Variants in SEPTIN12 observed in about 807,000 individuals in gnomAD.
SEPTIN12 encodes septin 12.
Under a neutral mutation model 37.7 loss-of-function variants are expected in SEPTIN12, and 42 were observed. The ratio of observed to expected loss-of-function variants is 1.11; its 90% confidence interval spans 0.87 to 1.44. The LOEUF (loss-of-function observed/expected upper bound fraction) is 1.44, where lower values mean the gene tolerates loss of function less well. Among genes scored for constraint, SEPTIN12 ranks in the 40% most tolerant of loss-of-function variants. The pLI is 0.00. For missense variants in SEPTIN12, 613 were observed against 479.2 expected (o/e 1.28, Z -2.61); for synonymous variants, 254 against 196.7 (o/e 1.29, Z -2.44).
At chr16:4,787,399 G>T in intron 2 of SEPTIN12, 81 bp downstream of exon 2, 2 of 1,295,952 alleles carry the variant, frequency 1.5e-6, no homozygotes, top group South Asian at 1.2e-5. Flanking sequence ...AGGGGCGACA[G>T]GCTGCCAAAG....
chr16:4,784,102 G>C, intron 4 of SEPTIN12, 34 bp from the exon 5 acceptor site: 2 of 1,612,458 alleles, frequency 1.2e-6, no homozygotes, highest in Non-Finnish European at 1.7e-6. Context: ...CCTCAGAACT[G>C]TGCTGTGCCC....
intron 4 of SEPTIN12, among the ~76,000 whole-genome samples, chr16:4,785,555 T>C (rs1026327498): frequency 1.3e-5 from 2 of 151,030 alleles, no homozygotes; most frequent in African/African-American, 2.4e-5. Context: ...GGGTGGATCA[T>C]CTGAGGTCAG....
chr16:4,781,409 C>A (rs2082370219), intron 7 of SEPTIN12, among the ~76,000 whole-genome samples: 1 of 151,972 alleles, frequency 6.6e-6, no homozygotes, highest in Non-Finnish European at 1.5e-5. Flanking sequence ...CACGTCCCCC[C>A]AAAAAAACCC....
intron 4 of SEPTIN12, among the ~76,000 whole-genome samples, chr16:4,785,235 G>C (rs1404837058): frequency 6.8e-6 from 1 of 147,604 alleles, no homozygotes; most frequent in Non-Finnish European, 1.5e-5. Context: ...TGGGTGACAA[G>C]AGCGAGTCTG....
At chr16:4,778,032 G>A (rs1280201622) in intron 9 of SEPTIN12, 34 bp from the exon 10 acceptor site, 1 of 1,612,452 alleles carries the variant, frequency 6.2e-7, no homozygotes, top group African/African-American at 1.3e-5. Flanking sequence ...CCCGATGGTG[G>A]TGTCCCCAGG....
chr16:4,779,618 G>T, intron 8 of SEPTIN12, 72 bp downstream of exon 8: 1 of 909,144 alleles, frequency 1.1e-6, no homozygotes, highest in South Asian at 1.3e-5. Context: ...TGATGGGTGC[G>T]AAGGTTGCCC....
chr16:4,787,457 C>T (rs766174003), intron 2 of SEPTIN12, 23 bp downstream of exon 2: 13 of 1,609,348 alleles, frequency 8.1e-6, no homozygotes, highest in South Asian at 4.4e-5. Flanking sequence ...TCTGTCCTGC[C>T]GTGGGCCCTA....
intron 7 of SEPTIN12, chr16:4,783,251 A>G (rs1455637027): frequency 3.4e-6 from 2 of 585,542 alleles, no homozygotes; most frequent in Non-Finnish European, 6.2e-6. Flanking sequence ...CTTATTGGGT[A>G]TGTGATTCGC....
chr16:4,780,499 G>A (rs963231977), intron 7 of SEPTIN12, among the ~76,000 whole-genome samples: 1 of 152,092 alleles, frequency 6.6e-6, no homozygotes, highest in Non-Finnish European at 1.5e-5. Context: ...TCACAACAGA[G>A]ACCCTACGGC....
At chr16:4,782,046 G>T (rs1335853630) in intron 7 of SEPTIN12, among the ~76,000 whole-genome samples, 1 of 144,502 alleles carries the variant, frequency 6.9e-6, no homozygotes, top group African/African-American at 2.6e-5. Flanking sequence ...CACCTTCCAG[G>T]TTCAAGCAAT....
At position 4,783,615 on chromosome 16, in the gene SEPTIN12, G is replaced by C. The variant is rs370061646; in HGVS notation, c.630+34C>G. ...CCTGCCCACTCTGCCCTCTGCCCCC[G>C]CTGACCCCAGCCCTGCCCGGGCATC... On this transcript the variant is annotated intron_variant, in intron 6 of 9. Transcript: ENST00000268231. 4 of 1,611,024 alleles carry C rather than the reference G, an allele frequency of 2.5e-6. No individual in the cohort carries two copies. The South Asian group carries it at 3.3e-5, about 13-fold the overall frequency.
chr16:4,778,188 G>A (rs753531615), intron 8 of SEPTIN12, 51 bp from the exon 9 acceptor site: 2 of 1,584,618 alleles, frequency 1.3e-6, no homozygotes. Context: ...CACTGAGTAA[G>A]TGCCTACTGT....
Position 4,779,798 on chromosome 16 carries a change from G to A in SEPTIN12, c.727-12C>T. The A allele has an allele frequency of 1.3e-6, 2 of 1,583,528 alleles. No individual in the cohort carries two copies. The highest frequency in any genetic ancestry group is 2.2e-5 in the South Asian group (2 of 90,528). ...AAAGGGATTCGGTCCTGGGAAAGGA[G>A]AAGACACAGAGATGGGAGGATTGAC... On this transcript the variant is annotated splice_polypyrimidine_tract_variant and intron_variant, in intron 7 of 9. Transcript: ENST00000268231.
chr16:4,787,984 A>G (rs1004314286), intron 1 of SEPTIN12: 4 of 255,856 alleles, frequency 1.6e-5, no homozygotes, highest in Non-Finnish European at 2.3e-5. Context: ...GGCAAAGTCC[A>G]GGATGGGTGT....
intron 4 of SEPTIN12, among the ~76,000 whole-genome samples, chr16:4,785,280 T>C (rs1484122104): frequency 6.7e-6 from 1 of 149,860 alleles, no homozygotes; most frequent in African/African-American, 2.5e-5. Flanking sequence ...GGAAATTGCT[T>C]GAACCCAGGA....
chr16:4,787,099 C>T (rs1377768835), intron 2 of SEPTIN12, among the ~76,000 whole-genome samples: 3 of 152,022 alleles, frequency 2.0e-5, no homozygotes, highest in Admixed American at 2.0e-4. Flanking sequence ...TGTTTTCGAA[C>T]TCCTGACCTC....
chr16:4,788,702 C>G (rs906433894), upstream of SEPTIN12: 1 of 152,202 alleles, frequency 6.6e-6, no homozygotes, highest in Non-Finnish European at 1.5e-5. Flanking sequence ...TTACCCAGTC[C>G]TGACTCTGCA....
intron 7 of SEPTIN12, among the ~76,000 whole-genome samples, chr16:4,780,779 G>A (rs1198908931): frequency 1.3e-5 from 2 of 152,172 alleles, no homozygotes; most frequent in African/African-American, 4.8e-5. Context: ...AGGACTTCAA[G>A]ACCAGCCTGG....
chr16:4,784,231 C>A, intron 4 of SEPTIN12, 163 bp from the exon 5 acceptor site: 1 of 686,530 alleles, frequency 1.5e-6, no homozygotes, highest in East Asian at 2.7e-5. Context: ...TTCCCTGCAT[C>A]ATCAGAGACA....
Sources: allele counts gnomAD v4.1 joint callset (sites outside exome capture counted in the v4.1 genomes callset), GRCh38; gene constraint gnomAD v4.1.1; transcripts MANE v1.5; gene names NCBI Gene and HGNC (gene_info 2026-07-23, HGNC 2026-07-21).